Variants in KHDRBS2 observed in about 807,000 individuals in gnomAD.
The protein encoded by KHDRBS2 is KH RNA binding domain containing, signal transduction associated 2.
In KHDRBS2, 26 loss-of-function variants were observed where a neutral mutation model predicts 44.3. The observed-to-expected ratio is 0.59, with a 90% CI of 0.43 to 0.81. The LOEUF (loss-of-function observed/expected upper bound fraction) is 0.81. Among genes scored for constraint, KHDRBS2 ranks in the 40% least tolerant of loss-of-function variants. The pLI, the probability that KHDRBS2 is intolerant of heterozygous loss-of-function variation, is 0.00. For synonymous variants in KHDRBS2, 194 were observed against 151.1 expected, an observed-to-expected ratio of 1.28 and a Z score of -2.08; for missense variants, 476 against 433.1, an observed-to-expected ratio of 1.10 and a Z score of -0.88.
At chr6:61,728,273 A>AC (rs1023498986) in intron 7 of KHDRBS2, among the ~76,000 whole-genome samples, 11 of 151,674 alleles carry the variant, frequency 7.3e-5, no homozygotes, top group Non-Finnish European at 1.3e-4. Context: ...AGCAAGACAC[A>AC]CTGGGGCCTC....
intron 4 of KHDRBS2, among the ~76,000 whole-genome samples, chr6:61,956,054 G>T (rs1267350400): frequency 6.6e-6 from 1 of 151,970 alleles, no homozygotes; most frequent in Non-Finnish European, 1.5e-5. Context: ...TTAGCTGGGC[G>T]TGGTGGTGTG....
At chr6:61,973,759 T>G (rs1771916257) in intron 4 of KHDRBS2, among the ~76,000 whole-genome samples, 1 of 152,202 alleles carries the variant, frequency 6.6e-6, no homozygotes, top group Non-Finnish European at 1.5e-5. Flanking sequence ...GTGATAATCA[T>G]TAAAGACTTA....
chr6:62,037,097 T>G (rs1785443205), intron 3 of KHDRBS2, among the ~76,000 whole-genome samples: 1 of 151,902 alleles, frequency 6.6e-6, no homozygotes. Flanking sequence ...CTTTCTTAAA[T>G]GATAATAATA....
At chr6:62,138,899 G>A (rs1485663745) in intron 2 of KHDRBS2, among the ~76,000 whole-genome samples, 3 of 152,304 alleles carry the variant, frequency 2.0e-5, no homozygotes, top group South Asian at 4.1e-4. Flanking sequence ...TTTAAAGTAA[G>A]AGTGTAAAAT....
intron 3 of KHDRBS2, among the ~76,000 whole-genome samples, chr6:61,982,000 C>T (rs1463266104): frequency 6.6e-6 from 1 of 152,092 alleles, no homozygotes; most frequent in Non-Finnish European, 1.5e-5. Context: ...TCCACAGAAA[C>T]CACCAAAATC....
chr6:61,845,027 A>C (rs1794172712), intron 6 of KHDRBS2, among the ~76,000 whole-genome samples: 2 of 152,184 alleles, frequency 1.3e-5, no homozygotes, highest in African/African-American at 4.8e-5. Context: ...GAAGGAAAAA[A>C]ACTACTTGAC....
At chr6:61,556,889 T>C in the KHDRBS2 span, among the ~76,000 whole-genome samples, 1 of 144,792 alleles carries the variant, frequency 6.9e-6, no homozygotes, top group Non-Finnish European at 1.5e-5. Context: ...TTTTTTTTTT[T>C]TTTTTTTTTT....
At chr6:61,828,757 A>G (rs1052783627) in intron 6 of KHDRBS2, among the ~76,000 whole-genome samples, 1 of 152,178 alleles carries the variant, frequency 6.6e-6, no homozygotes, top group Non-Finnish European at 1.5e-5. Context: ...AAGATTTTAC[A>G]CTGACCATCA....
intron 2 of KHDRBS2, among the ~76,000 whole-genome samples, chr6:62,165,196 G>A (rs567349616): frequency 1.3e-5 from 2 of 151,098 alleles, no homozygotes; most frequent in Non-Finnish European, 3.0e-5. Context: ...ACTTTCCCCC[G>A]ATTAAACTTT....
At chr6:61,664,016 A>G in the KHDRBS2 span, among the ~76,000 whole-genome samples, 1 of 151,830 alleles carries the variant, frequency 6.6e-6, no homozygotes, top group Non-Finnish European at 1.5e-5. Context: ...AAATCAAAAC[A>G]GGGTTAAAAT....
intron 2 of KHDRBS2, among the ~76,000 whole-genome samples, chr6:62,049,928 T>A (rs920816353): frequency 4.6e-5 from 7 of 152,022 alleles, no homozygotes; most frequent in African/African-American, 1.7e-4. Context: ...GACTCAGCAA[T>A]CCCATTACTG....
intron 7 of KHDRBS2, among the ~76,000 whole-genome samples, chr6:61,722,608 T>C (rs1190941357): frequency 1.3e-5 from 2 of 152,204 alleles, no homozygotes; most frequent in African/African-American, 4.8e-5. Flanking sequence ...ACTATTTTAT[T>C]TTCACAATTC....
intron 1 of KHDRBS2, among the ~76,000 whole-genome samples, chr6:62,256,367 C>T (rs955542913): frequency 3.3e-5 from 5 of 151,876 alleles, no homozygotes; most frequent in Non-Finnish European, 5.9e-5. Flanking sequence ...ACAATTCCCA[C>T]GTGTTGTTGT....
At position 61,929,551 on chromosome 6, in the gene KHDRBS2, C is replaced by T. The variant is rs188622760; in HGVS notation, c.484-28180G>A. On this transcript the variant is annotated intron_variant, in intron 4 of 8. Transcript: ENST00000281156. ...CCCTCAGTCATTCACATTAAACTTG[C>T]TGGGAAATAGGAGGAAAATCCAGAG... 5.3e-5 allele frequency among the ~76,000 whole-genome samples: 8 copies of T among 152,200 alleles called. No homozygotes were observed. In the East Asian group the frequency reaches 1.4e-3, roughly 26 times the overall value.
chr6:62,268,043 G>T lies in KHDRBS2; in HGVS notation c.91+17815C>A, dbSNP rs566587527. Among the ~76,000 whole-genome samples, 6 of 151,954 alleles carry T rather than the reference G, an allele frequency of 3.9e-5. No individual in the cohort carries two copies. In the South Asian group the frequency reaches 1.2e-3, roughly 32 times the overall value. The stretch of plus-strand genomic sequence containing the variant: ...TCTTTTCTCATAAATTTCTATAGAG[G>T]GTATTAATCCTATGGGAACACATTT... On this transcript the variant is annotated intron_variant, in intron 1 of 8. Transcript: ENST00000281156.
chr6:61,985,343 T>A (rs1340147877), intron 3 of KHDRBS2, among the ~76,000 whole-genome samples: 3 of 152,194 alleles, frequency 2.0e-5, no homozygotes, highest in African/African-American at 4.8e-5. Context: ...AAAACTCAAA[T>A]TTCAATATTT....
chr6:61,999,891 A>T (rs1215740310), intron 3 of KHDRBS2, among the ~76,000 whole-genome samples: 1 of 152,186 alleles, frequency 6.6e-6, no homozygotes. Flanking sequence ...ACAAAATTAA[A>T]GTTAGAATAT....
intron 4 of KHDRBS2, among the ~76,000 whole-genome samples, chr6:61,939,881 C>T (rs1811805311): frequency 6.6e-6 from 1 of 152,178 alleles, no homozygotes; most frequent in Admixed American, 6.5e-5. Context: ...TATTCTAATA[C>T]TTTTCCTAGT....
the KHDRBS2 span, among the ~76,000 whole-genome samples, chr6:61,615,272 CAAG>C: frequency 6.5e-5 from 7 of 107,878 alleles, no homozygotes; most frequent in African/African-American, 2.0e-4. Flanking sequence ...AGAAAAAAAA[CAAG>C]AAGAAGAAAT....
Sources: gnomAD v4.1 joint callset for allele counts (sites outside exome capture counted in the v4.1 genomes callset) on GRCh38, gnomAD v4.1.1 for gene constraint, MANE v1.5 for transcripts, NCBI Gene and HGNC (gene_info 2026-07-23, HGNC 2026-07-21) for gene names.